Variants in CNTN4 observed in about 807,000 individuals in gnomAD.
CNTN4 encodes the protein contactin 4.
In CNTN4, 77 loss-of-function variants were observed where a neutral mutation model predicts 122.5. That is an observed-to-expected ratio of 0.63 (90% confidence interval 0.52 to 0.76). The LOEUF is 0.76. Ranked by LOEUF, CNTN4 falls within the 30% of genes least tolerant of loss-of-function variation. The pLI is 0.00. For synonymous variants in CNTN4, 512 were observed against 447.0 expected (o/e 1.15, Z -1.83); for missense variants, 1,256 against 1,259.1 (o/e 1.00, Z 0.04).
At chr3:2,831,296 G>A (rs1327789544) in intron 7 of CNTN4, among the ~76,000 whole-genome samples, 1 of 152,120 alleles carries the variant, frequency 6.6e-6, no homozygotes, top group Non-Finnish European at 1.5e-5. Context: ...AAACAATATG[G>A]ATAAAAAACT....
intron 6 of CNTN4, among the ~76,000 whole-genome samples, chr3:2,806,814 C>T (rs139323098): frequency 1.8e-4 from 27 of 152,152 alleles, no homozygotes; most frequent in African/African-American, 5.3e-4. Context: ...CGATGGGGGA[C>T]GAGAGCTGAG....
At chr3:2,752,790 C>G (rs939345852) in intron 6 of CNTN4, among the ~76,000 whole-genome samples, 3 of 152,174 alleles carry the variant, frequency 2.0e-5, no homozygotes, top group African/African-American at 7.2e-5. Context: ...CTAGTTACCA[C>G]TCTTCTACTG....
rs73805427 is a variant in CNTN4 at position 2,880,994 on chromosome 3, G to T, written c.653-2151G>T. Among the ~76,000 whole-genome samples, 279 of 152,280 alleles carry T rather than the reference G, an allele frequency of 1.8e-3. 2 individuals are homozygous for T. Among genetic ancestry groups the T allele is most frequent in the African/African-American group, 6.3e-3 (262 of 41,552 alleles). Reference sequence around the variant, plus strand: ...CCAGATTAAGGTTGCTGAACCAAATGATATCAAAGGTCCCTTCCAAATCCA... The same window carrying T: ...CCAGATTAAGGTTGCTGAACCAAATTATATCAAAGGTCCCTTCCAAATCCA... On this transcript the variant is annotated intron_variant, in intron 8 of 24. Transcript: ENST00000418658.
chr3:2,784,246 G>A (rs2091720662), intron 6 of CNTN4, among the ~76,000 whole-genome samples: 1 of 152,142 alleles, frequency 6.6e-6, no homozygotes, highest in African/African-American at 2.4e-5. Flanking sequence ...GAGACAGGTG[G>A]ATATTATGGT....
intron 2 of CNTN4, among the ~76,000 whole-genome samples, chr3:2,288,173 A>G (rs558664650): frequency 6.6e-6 from 1 of 152,350 alleles, no homozygotes; most frequent in East Asian, 1.9e-4. Flanking sequence ...TTGTGTTGCT[A>G]TAAAGGAATG....
At chr3:2,312,366 C>T (rs1055863248) in intron 2 of CNTN4, among the ~76,000 whole-genome samples, 1 of 152,100 alleles carries the variant, frequency 6.6e-6, no homozygotes, top group African/African-American at 2.4e-5. Flanking sequence ...GGCAATCAAA[C>T]ACTGCCAACC....
At position 2,175,468 on chromosome 3, in the gene CNTN4, C is replaced by T. The variant is rs192970876; in HGVS notation, c.-145+74829C>T. Among the ~76,000 whole-genome samples the T allele has an allele frequency of 1.2e-4, 19 of 152,284 alleles. No homozygotes were observed. In the South Asian group the frequency reaches 2.9e-3, roughly 23 times the overall value. On this transcript the variant is annotated intron_variant, in intron 2 of 24. Coordinates refer to ENST00000418658, the MANE Select transcript of CNTN4 (RefSeq NM_175607.3). ...GACATGCATTTCAAATGACCTAACA[C>T]TGTTTATATTTGTGTAGAAATTTTA...
rs1434419682 is a variant in CNTN4 at position 2,709,550 on chromosome 3, T to G, written c.56-26665T>G. ...GATTTATGCCAGACTTCTAGACCAG[T>G]CTCCTTTCCAATTCCATAAAATGAA... On this transcript the variant is annotated intron_variant, in intron 4 of 24. Coordinates refer to ENST00000418658, the MANE Select transcript of CNTN4 (RefSeq NM_175607.3). This position sits in a 1 kb window ranked among gnomAD's most constrained non-coding sequence, Gnocchi z 5.0. Among the ~76,000 whole-genome samples, 2 of 152,130 alleles carry G rather than the reference T, an allele frequency of 1.3e-5. No homozygotes were observed. Among genetic ancestry groups the G allele is most frequent in the Non-Finnish European group, 2.9e-5 (2 of 68,026 alleles).
chr3:2,673,064 T>C (rs2150394746), intron 4 of CNTN4, among the ~76,000 whole-genome samples: 1 of 152,356 alleles, frequency 6.6e-6, no homozygotes. Flanking sequence ...TATGTTATTT[T>C]GCAAAGATTT....
intron 6 of CNTN4, among the ~76,000 whole-genome samples, chr3:2,776,767 A>G (rs1248385376): frequency 6.6e-6 from 1 of 152,190 alleles, no homozygotes; most frequent in Non-Finnish European, 1.5e-5. Flanking sequence ...ACTAAATTTT[A>G]TGTAATAAGT....
chr3:2,731,986 C>T (rs1309301935), intron 4 of CNTN4, among the ~76,000 whole-genome samples: 3 of 152,180 alleles, frequency 2.0e-5, no homozygotes, highest in Non-Finnish European at 4.4e-5. Flanking sequence ...TAGTTTATGT[C>T]AGTCCTAGGC....
chr3:2,342,098 T>A (rs2044231591), intron 3 of CNTN4, among the ~76,000 whole-genome samples: 1 of 152,214 alleles, frequency 6.6e-6, no homozygotes, highest in Admixed American at 6.5e-5. Flanking sequence ...TATATATCCA[T>A]CAACTAAGTA....
intron 6 of CNTN4, among the ~76,000 whole-genome samples, chr3:2,765,337 G>A (rs76007285): frequency 4.2e-4 from 64 of 152,316 alleles, no homozygotes; most frequent in East Asian, 4.1e-3. Context: ...CCACTTAACC[G>A]ACAGTGCTAG....
intron 2 of CNTN4, among the ~76,000 whole-genome samples, chr3:2,287,763 GAA>G (rs1559416222): frequency 3.4e-5 from 5 of 145,324 alleles, no homozygotes; most frequent in Admixed American, 6.7e-5. Flanking sequence ...AGAAGAAGAA[GAA>G]GAAGAAGAAG....
intron 2 of CNTN4, among the ~76,000 whole-genome samples, chr3:2,308,540 G>A (rs920701752): frequency 6.6e-6 from 1 of 151,904 alleles, no homozygotes; most frequent in Admixed American, 6.6e-5. Flanking sequence ...CATTTTCTTT[G>A]AAGCACAGCT....
At chr3:2,439,604 C>G (rs758168192) in intron 3 of CNTN4, among the ~76,000 whole-genome samples, 5 of 151,914 alleles carry the variant, frequency 3.3e-5, no homozygotes, top group Non-Finnish European at 7.4e-5. Context: ...ATCTGTGTTC[C>G]TCTCTCTTTC....
chr3:2,574,092 T>C (rs1576051375), intron 4 of CNTN4, among the ~76,000 whole-genome samples: 1 of 152,254 alleles, frequency 6.6e-6, no homozygotes. Context: ...GGTGTATGCC[T>C]GTAATCCCAG....
chr3:2,239,075 C>A (rs1000124830), intron 2 of CNTN4: 3 of 152,034 alleles, frequency 2.0e-5, no homozygotes, highest in African/African-American at 7.2e-5. Flanking sequence ...TTAAGTGAGT[C>A]AACCTAATAC....
At chr3:2,726,022 A>C (rs181514653) in intron 4 of CNTN4, among the ~76,000 whole-genome samples, 82 of 152,298 alleles carry the variant, frequency 5.4e-4, no homozygotes, top group African/African-American at 1.7e-3. Flanking sequence ...AATCTTAGGG[A>C]TAAAGCTTGC....
Sources: allele counts gnomAD v4.1 joint callset (sites outside exome capture counted in the v4.1 genomes callset), GRCh38; gene constraint gnomAD v4.1.1; non-coding constraint Gnocchi (gnomAD v3.1); transcripts MANE v1.5; gene names NCBI Gene and HGNC (gene_info 2026-07-23, HGNC 2026-07-21).